RBMS3: variants seen among roughly 807,000 people sequenced by gnomAD.
RBMS3 encodes the protein RNA-binding motif, single-stranded-interacting protein 3.
RBMS3 carries 27 observed loss-of-function variants against 66.8 expected under a neutral mutation model. The ratio of observed to expected loss-of-function variants is 0.40; its 90% CI spans 0.30 to 0.56. The LOEUF is 0.56. RBMS3 is among the 20% of genes least tolerant of loss of function. The probability of loss-of-function intolerance (pLI) is 0.40; values close to 1 mark genes in which losing one functional copy is unlikely to be tolerated. For synonymous variants in RBMS3, 188 were observed against 183.0 expected (o/e 1.03, Z -0.22); for missense variants, 513 against 549.5 (o/e 0.93, Z 0.66).
chr3:29,539,135 T>C (rs543562159), intron 3 of RBMS3, among the ~76,000 whole-genome samples: 1 of 152,252 alleles, frequency 6.6e-6, no homozygotes, highest in East Asian at 1.9e-4. Context: ...TACAGCTGTT[T>C]GGGTCTTACA....
At chr3:29,565,708 T>C (rs2046718362) in intron 3 of RBMS3, among the ~76,000 whole-genome samples, 1 of 152,146 alleles carries the variant, frequency 6.6e-6, no homozygotes, top group South Asian at 2.1e-4. Flanking sequence ...ACCAAAACAC[T>C]AGATATCCTT....
intron 4 of RBMS3, among the ~76,000 whole-genome samples, chr3:29,726,101 C>T (rs2053860100): frequency 6.6e-6 from 1 of 152,126 alleles, no homozygotes; most frequent in African/African-American, 2.4e-5. Context: ...GAACTAATGA[C>T]AAAAACCACA....
At chr3:29,308,428 G>C (rs2034151972) in intron 1 of RBMS3, among the ~76,000 whole-genome samples, 1 of 151,710 alleles carries the variant, frequency 6.6e-6, no homozygotes. Flanking sequence ...TACATAGAAA[G>C]CACTTAGTCA....
chr3:29,293,705 G>C (rs966887567), intron 1 of RBMS3, among the ~76,000 whole-genome samples: 6 of 151,356 alleles, frequency 4.0e-5, no homozygotes, highest in Non-Finnish European at 8.9e-5. Context: ...GTCCTTCCTA[G>C]GGCTAATATT....
At chr3:29,742,691 G>C (rs1301039456) in intron 5 of RBMS3, among the ~76,000 whole-genome samples, 1 of 152,024 alleles carries the variant, frequency 6.6e-6, no homozygotes, top group African/African-American at 2.4e-5. Flanking sequence ...TTTAATTTCT[G>C]TCTTCACCAA....
chr3:29,439,101 G>C (rs2041511684), intron 2 of RBMS3, among the ~76,000 whole-genome samples: 2 of 152,158 alleles, frequency 1.3e-5, no homozygotes, highest in Non-Finnish European at 2.9e-5. Flanking sequence ...GCATGCCAAG[G>C]ACAAAGGGCT....
intron 12 of RBMS3, among the ~76,000 whole-genome samples, chr3:29,980,368 C>T (rs915972268): frequency 1.6e-4 from 24 of 152,168 alleles, no homozygotes; most frequent in African/African-American, 4.6e-4. Context: ...AAAATTTGCT[C>T]GCATTCTGTA....
At chr3:29,827,060 C>T (rs781578988) in intron 6 of RBMS3, among the ~76,000 whole-genome samples, 1 of 152,098 alleles carries the variant, frequency 6.6e-6, no homozygotes, top group Non-Finnish European at 1.5e-5. Context: ...AGTATAGCTA[C>T]CTACATTCCA....
At chr3:29,632,898 T>C (rs1366900968) in intron 4 of RBMS3, among the ~76,000 whole-genome samples, 1 of 151,912 alleles carries the variant, frequency 6.6e-6, no homozygotes, top group Non-Finnish European at 1.5e-5. Flanking sequence ...CACTTTTTAA[T>C]TATTCTAAGT....
At chr3:29,989,719 G>C (rs2149798329) in intron 13 of RBMS3, among the ~76,000 whole-genome samples, 1 of 152,264 alleles carries the variant, frequency 6.6e-6, no homozygotes, top group East Asian at 1.9e-4. Context: ...AGACCTATAG[G>C]TCTCAAAGAA....
chr3:29,530,619 T>G (rs1031868847), intron 3 of RBMS3, among the ~76,000 whole-genome samples: 3 of 150,792 alleles, frequency 2.0e-5, no homozygotes, highest in Admixed American at 6.7e-5. Flanking sequence ...CCCAGCACTT[T>G]GGGAGGCTGA....
intron 1 of RBMS3, among the ~76,000 whole-genome samples, chr3:29,416,405 A>T (rs2040478868): frequency 6.6e-6 from 1 of 152,170 alleles, no homozygotes; most frequent in Admixed American, 6.5e-5. Flanking sequence ...TAAAATTTAG[A>T]TCCCACAAGA....
intron 3 of RBMS3, among the ~76,000 whole-genome samples, chr3:29,520,093 A>T (rs2148971537): frequency 6.6e-6 from 1 of 152,280 alleles, no homozygotes; most frequent in South Asian, 2.1e-4. Flanking sequence ...ACCTAGTCCC[A>T]ATATTAAGAA....
intron 12 of RBMS3, among the ~76,000 whole-genome samples, chr3:29,962,551 C>CAT (rs148691765): frequency 0.05 from 6,768 of 135,118 alleles, 589 homozygotes; most frequent in African/African-American, 0.15. Flanking sequence ...GGTCAAGACT[C>CAT]ATATATATAT....
chr3:29,436,687 T>G (rs2041416630), intron 2 of RBMS3, among the ~76,000 whole-genome samples: 1 of 152,238 alleles, frequency 6.6e-6, no homozygotes, highest in Non-Finnish European at 1.5e-5. Flanking sequence ...GAAACTCATT[T>G]ATTTTTAAGG....
At chr3:29,874,556 C>T (rs959488219) in intron 7 of RBMS3, among the ~76,000 whole-genome samples, 1 of 152,068 alleles carries the variant, frequency 6.6e-6, no homozygotes, top group Non-Finnish European at 1.5e-5. Context: ...TAACCTTAAA[C>T]TGAAGGAGAT....
intron 4 of RBMS3, among the ~76,000 whole-genome samples, chr3:29,730,400 T>C (rs2054080847): frequency 1.3e-5 from 2 of 152,146 alleles, no homozygotes; most frequent in South Asian, 2.1e-4. Flanking sequence ...CAATGGTATG[T>C]TTTTGTATGT....
intron 5 of RBMS3, 168 bp downstream of exon 5, chr3:29,740,045 T>A: frequency 4.1e-6 from 2 of 492,716 alleles, no homozygotes; most frequent in East Asian, 3.3e-5. Flanking sequence ...TGGAGCTAAA[T>A]AATTTCAATG....
Position 29,434,906 on chromosome 3 carries a change from T to C in RBMS3, c.239T>C (p.Leu80Pro). The C allele has an allele frequency of 6.2e-7, 1 of 1,613,288 alleles. No individual in the cohort carries two copies. Among genetic ancestry groups the C allele is most frequent in the Non-Finnish European group, 8.5e-7 (1 of 1,179,606 alleles). ...PGTTDQDLIK[L>P]CQPYGKIVST... ...ACCACTGACCAGGACCTAATCAAGC[T>C]GTGCCAACCGTAAGTGTCCTTCTGC... is the stretch of plus-strand genomic sequence containing the variant. The change falls in exon 2 of 15, where the codon CTG (leucine) becomes CCG (proline). Residue 80 changes from leucine to proline, a missense_variant. Leu to Pro is a moderately conservative substitution (Grantham distance 98). Transcript: ENST00000383767.
Sources: allele counts gnomAD v4.1 joint callset (sites outside exome capture counted in the v4.1 genomes callset), GRCh38; gene constraint gnomAD v4.1.1; transcripts MANE v1.5; gene names NCBI Gene and HGNC (gene_info 2026-07-23, HGNC 2026-07-21).